Variants in CEP83 observed in about 807,000 individuals in gnomAD.
CEP83 encodes centrosomal protein of 83 kDa.
Under a neutral mutation model 101.9 loss-of-function variants are expected in CEP83, and 70 were observed. The ratio of observed to expected loss-of-function variants is 0.69; its 90% confidence interval spans 0.57 to 0.84. The LOEUF (loss-of-function observed/expected upper bound fraction) is 0.84, where lower values mean the gene tolerates loss of function less well. Ranked by LOEUF, CEP83 falls within the 40% of genes least tolerant of loss-of-function variation. The probability of loss-of-function intolerance (pLI) is 0.00; values close to 1 mark genes in which losing one functional copy is unlikely to be tolerated. For synonymous variants in CEP83, 264 were observed against 267.9 expected (o/e 0.99, Z 0.14); for missense variants, 715 against 787.2 (o/e 0.91, Z 1.10).
chr12:94,275,854 C>CAAAAAAAA, the CEP83 span, among the ~76,000 whole-genome samples: 1 of 23,074 alleles, frequency 4.3e-5, no homozygotes, highest in Non-Finnish European at 6.5e-5. Flanking sequence ...GACTCCGTCT[C>CAAAAAAAA]AAAAAAAAAA....
the CEP83 span, among the ~76,000 whole-genome samples, chr12:94,269,481 C>T: frequency 1.3e-5 from 2 of 152,170 alleles, no homozygotes; most frequent in African/African-American, 4.8e-5. Flanking sequence ...GTGTCTCCAC[C>T]AGGAGTTTCT....
At chr12:94,458,991 T>G (rs1250440943) in intron 1 of CEP83, among the ~76,000 whole-genome samples, 1 of 152,186 alleles carries the variant, frequency 6.6e-6, no homozygotes. Context: ...CTGCTTAAAG[T>G]CTGAACAGAT....
At chr12:94,281,504 A>G in the CEP83 span, among the ~76,000 whole-genome samples, 1 of 152,300 alleles carries the variant, frequency 6.6e-6, no homozygotes, top group Non-Finnish European at 1.5e-5. Context: ...TGCCATGTGG[A>G]CTACAGATTG....
intron 2 of CEP83, among the ~76,000 whole-genome samples, 184 bp from the exon 3 acceptor site, chr12:94,412,775 C>T (rs955471355): frequency 6.8e-6 from 1 of 148,146 alleles, no homozygotes; most frequent in African/African-American, 2.5e-5. Context: ...CTGCAACCTC[C>T]ACTCCCAAGT....
chr12:94,445,554 T>C (rs901752744), intron 1 of CEP83, among the ~76,000 whole-genome samples: 5 of 152,296 alleles, frequency 3.3e-5, no homozygotes, highest in East Asian at 1.9e-4. Context: ...TGACAAGATA[T>C]ACCAGACTCA....
chr12:94,335,450 C>A, intron 12 of CEP83, 139 bp downstream of exon 12: 2 of 604,814 alleles, frequency 3.3e-6, no homozygotes, highest in South Asian at 2.0e-5. Context: ...TTTATCTTTA[C>A]ATATCACCTC....
chr12:94,301,291 T>C, the CEP83 span, among the ~76,000 whole-genome samples: 2 of 152,236 alleles, frequency 1.3e-5, no homozygotes, highest in African/African-American at 2.4e-5. Flanking sequence ...ATTCTGCCTG[T>C]GAAAAACTTT....
chr12:94,375,390 G>C (rs1365484148), intron 8 of CEP83, among the ~76,000 whole-genome samples: 1 of 152,196 alleles, frequency 6.6e-6, no homozygotes, highest in Non-Finnish European at 1.5e-5. Flanking sequence ...AGCAAGATGT[G>C]AGTTTGCTCA....
intron 2 of CEP83, among the ~76,000 whole-genome samples, chr12:94,431,031 T>C (rs2065581473): frequency 1.3e-5 from 2 of 152,118 alleles, no homozygotes; most frequent in African/African-American, 4.8e-5. Context: ...GGTCATGATA[T>C]AATAGTAAGA....
At chr12:94,316,460 T>A (rs1376971612) in intron 14 of CEP83, among the ~76,000 whole-genome samples, 1 of 152,160 alleles carries the variant, frequency 6.6e-6, no homozygotes, top group East Asian at 1.9e-4. Context: ...TCTTAAAACT[T>A]TTTTTAGGCT....
chr12:94,303,810 G>C, downstream of CEP83: 1 of 1,535,050 alleles, frequency 6.5e-7, no homozygotes, highest in East Asian at 2.5e-5. Flanking sequence ...CTACAAAGAA[G>C]AAGTAAAATC....
chr12:94,324,757 G>C (rs1213081823), intron 14 of CEP83, among the ~76,000 whole-genome samples: 1 of 151,848 alleles, frequency 6.6e-6, no homozygotes, highest in Non-Finnish European at 1.5e-5. Flanking sequence ...ATCTTTTTTA[G>C]TGCTGATCTG....
chr12:94,381,928 G>A (rs1033450014), intron 6 of CEP83, among the ~76,000 whole-genome samples: 2 of 151,856 alleles, frequency 1.3e-5, no homozygotes, highest in Admixed American at 1.3e-4. Flanking sequence ...TCCCTTTTTG[G>A]GGAAGACATT....
At chr12:94,392,045 A>G (rs922806140) in intron 6 of CEP83, among the ~76,000 whole-genome samples, 12 of 152,184 alleles carry the variant, frequency 7.9e-5, no homozygotes, top group Non-Finnish European at 1.8e-4. Flanking sequence ...ATGATGGGAG[A>G]CTTTAACACT....
At chr12:94,297,183 A>G in the CEP83 span, 1 of 1,613,850 alleles carries the variant, frequency 6.2e-7, no homozygotes, top group Non-Finnish European at 8.5e-7. Flanking sequence ...TTTCTCTGGC[A>G]TTCAGATGTG....
At chr12:94,275,301 A>G in the CEP83 span, among the ~76,000 whole-genome samples, 1 of 152,216 alleles carries the variant, frequency 6.6e-6, no homozygotes, top group East Asian at 1.9e-4. Flanking sequence ...CAGCCCTAAT[A>G]CTAAATAGGG....
the CEP83 span, chr12:94,277,785 T>C: frequency 2.7e-6 from 1 of 364,724 alleles, no homozygotes; most frequent in South Asian, 2.0e-5. Context: ...TTGCCGATAC[T>C]ATCATCAAGC....
intron 11 of CEP83, among the ~76,000 whole-genome samples, chr12:94,344,440 C>T (rs564244700): frequency 2.3e-4 from 35 of 152,156 alleles, no homozygotes; most frequent in African/African-American, 8.4e-4. Flanking sequence ...CCAAGGTATA[C>T]AACATGACCT....
At chr12:94,373,242 T>C (rs1482576190) in intron 8 of CEP83, among the ~76,000 whole-genome samples, 3 of 152,196 alleles carry the variant, frequency 2.0e-5, no homozygotes, top group Non-Finnish European at 2.9e-5. Context: ...GTTTGCCATA[T>C]AGATTCTGGC....
Sources: gnomAD v4.1 joint callset for allele counts (sites outside exome capture counted in the v4.1 genomes callset) on GRCh38, gnomAD v4.1.1 for gene constraint, MANE v1.5 for transcripts, NCBI Gene and HGNC (gene_info 2026-07-23, HGNC 2026-07-21) for gene names.